The following AACS variants were observed in gnomAD, a reference collection of about 807,000 sequenced individuals.
AACS encodes acetoacetyl-CoA synthetase.
Under a neutral mutation model 83.1 loss-of-function variants are expected in AACS, and 69 were observed. The observed-to-expected ratio is 0.83, with a 90% CI of 0.68 to 1.01. The LOEUF (loss-of-function observed/expected upper bound fraction) is 1.01. Among genes scored for constraint, AACS ranks in the 50% least tolerant of loss-of-function variants. The probability of loss-of-function intolerance (pLI) is 0.00; values close to 1 mark genes in which losing one functional copy is unlikely to be tolerated. For synonymous variants in AACS, 333 were observed against 343.4 expected, an observed-to-expected ratio of 0.97 and a Z score of 0.33; for missense variants, 866 against 882.2, an observed-to-expected ratio of 0.98 and a Z score of 0.23.
At chr12:125,109,267 G>A (rs1956899508) in intron 8 of AACS, among the ~76,000 whole-genome samples, 1 of 152,042 alleles carries the variant, frequency 6.6e-6, no homozygotes, top group Non-Finnish European at 1.5e-5. Context: ...AAGTACCTTG[G>A]ACTACAGGCA....
At chr12:125,074,016 G>A (rs1450641027) in intron 2 of AACS, 37 bp downstream of exon 2, 7 of 1,534,534 alleles carry the variant, frequency 4.6e-6, no homozygotes, top group Non-Finnish European at 6.3e-6. Flanking sequence ...ATCTCTTTTT[G>A]TGGTCGTGCT....
At chr12:125,093,498 G>A (rs1445234229) in intron 5 of AACS, among the ~76,000 whole-genome samples, 1 of 152,262 alleles carries the variant, frequency 6.6e-6, no homozygotes, top group African/African-American at 2.4e-5. Context: ...CAGGAGGGAT[G>A]CATGGCTCTG....
intron 2 of AACS, 31 bp downstream of exon 2, chr12:125,074,010 CTT>C: frequency 6.5e-7 from 1 of 1,550,290 alleles, no homozygotes. Flanking sequence ...GATATCATCT[CTT>C]TTTGTGGTCG....
At chr12:125,135,685 C>G (rs1957391505) in intron 16 of AACS, 1 of 152,304 alleles carries the variant, frequency 6.6e-6, no homozygotes, top group African/African-American at 2.4e-5. Context: ...ATCCCGATGT[C>G]TGATTCCAGC....
intron 5 of AACS, among the ~76,000 whole-genome samples, chr12:125,091,736 G>A (rs907791919): frequency 5.9e-5 from 9 of 152,142 alleles, no homozygotes; most frequent in African/African-American, 1.2e-4. Flanking sequence ...ACTCCTCGCC[G>A]TGTTCATCGA....
At chr12:125,117,144 G>T (rs540322576) in intron 9 of AACS, among the ~76,000 whole-genome samples, 26 of 152,154 alleles carry the variant, frequency 1.7e-4, no homozygotes, top group African/African-American at 5.8e-4. Context: ...AGGCACGGTG[G>T]CTCACGCCTG....
chr12:125,132,160 C>T (rs1375100125), intron 14 of AACS, among the ~76,000 whole-genome samples: 1 of 152,240 alleles, frequency 6.6e-6, no homozygotes, highest in Non-Finnish European at 1.5e-5. Flanking sequence ...GCCATCAGGC[C>T]ACTTCCTCTG....
At chr12:125,072,882 G>C (rs546029803) in intron 1 of AACS, among the ~76,000 whole-genome samples, 1 of 150,584 alleles carries the variant, frequency 6.6e-6, no homozygotes, top group South Asian at 2.1e-4. Context: ...GACTGTTGTG[G>C]AATAAAAGGA....
chr12:125,088,841 G>T (rs542398587), intron 4 of AACS, among the ~76,000 whole-genome samples: 2 of 152,312 alleles, frequency 1.3e-5, no homozygotes, highest in African/African-American at 4.8e-5. Context: ...CCATTTTGTG[G>T]GTCTCAGTTG....
At chr12:125,078,820 C>CAAAAAAAAAAAAAA (rs71092270) in intron 3 of AACS, among the ~76,000 whole-genome samples, 1 of 52,024 alleles carries the variant, frequency 1.9e-5, no homozygotes, top group Non-Finnish European at 3.1e-5. Flanking sequence ...GACTCCGTCT[C>CAAAAAAAAAAAAAA]AAAAAAAAAA....
At chr12:125,073,483 A>G (rs1037830730) in intron 1 of AACS, among the ~76,000 whole-genome samples, 2 of 152,152 alleles carry the variant, frequency 1.3e-5, no homozygotes, top group African/African-American at 4.8e-5. Flanking sequence ...ACATGTGCTC[A>G]TTTAAATCCT....
Position 125,118,897 on chromosome 12 carries a change from G to A in AACS, c.1121+132G>A, listed in dbSNP as rs554211511. 28 of 1,332,476 alleles carry A rather than the reference G, an allele frequency of 2.1e-5. No homozygotes were observed. In the African/African-American group the frequency reaches 3.1e-4, roughly 15 times the overall value. 82.5% of individuals were successfully genotyped at this position (1,332,476 alleles called of 1,614,324 possible). On this transcript the variant is annotated intron_variant, in intron 10 of 17. Transcript: ENST00000316519. The stretch of plus-strand genomic sequence containing the variant: ...TCCAGCATGCTCTGCCTTTGTGGAC[G>A]CCCCCTCTCCAAGAGGAGGGCATGG...
At chr12:125,125,957 AT>A (rs34943168) in intron 12 of AACS, 50,294 of 143,470 alleles carry the variant, frequency 0.35, 8,442 homozygotes, top group East Asian at 0.53. Flanking sequence ...TTCCAAGTGA[AT>A]TTTTTTTTTT....
At position 125,125,142 on chromosome 12, in the gene AACS, C is replaced by A. The variant is rs1957227075; in HGVS notation, c.1309+118C>A. On this transcript the variant is annotated intron_variant, in intron 12 of 17. Transcript: ENST00000316519. ...CACAGTCCGCTGGGCAGCCAATACG[C>A]ACAGTCCCTTCTCATGATCTGAGGC... 38 of 1,445,804 alleles carry A rather than the reference C, an allele frequency of 2.6e-5. 2 individuals carry two copies. The South Asian group carries it at 4.9e-4, about 19-fold the overall frequency. The allele number at this position is 1,445,804 out of a possible 1,614,324, so 89.6% of individuals were successfully genotyped here.
chr12:125,111,715 G>T (rs750824667), intron 8 of AACS, among the ~76,000 whole-genome samples: 2 of 152,170 alleles, frequency 1.3e-5, no homozygotes, highest in Non-Finnish European at 2.9e-5. Flanking sequence ...GTCTGTGAAA[G>T]GTGTCAGAAA....
chr12:125,066,016 T>G (rs1955680263), intron 1 of AACS, among the ~76,000 whole-genome samples: 1 of 152,234 alleles, frequency 6.6e-6, no homozygotes, highest in Non-Finnish European at 1.5e-5. Context: ...CTTGCTAGGC[T>G]TTCCTACCTG....
chr12:125,142,039 A>AT, intron 17 of AACS, 53 bp from the exon 18 acceptor site: 1 of 1,607,830 alleles, frequency 6.2e-7, no homozygotes, highest in Non-Finnish European at 8.5e-7. Flanking sequence ...AGGGCTGCGG[A>AT]TTTTCCCCCC....
rs773034357 is a variant in AACS, at chr12:125,134,090, G to A, written c.1619+18G>A. 10 of 1,611,856 alleles carry A rather than the reference G, an allele frequency of 6.2e-6. No homozygotes were observed. The highest frequency in any genetic ancestry group is 1.6e-4 in the Middle Eastern group (1 of 6,080). ...GGCCGGAGGTAAGGGCTGCAGAGTCGGCTTCTCTTTCCTGGAGCCCCACCT... is the reference window on the plus strand; with the variant it reads ...GGCCGGAGGTAAGGGCTGCAGAGTCAGCTTCTCTTTCCTGGAGCCCCACCT... On this transcript the variant is annotated intron_variant, in intron 15 of 17. Transcript: ENST00000316519.
At chr12:125,099,685 T>TTTTG (rs970497119) in intron 5 of AACS, among the ~76,000 whole-genome samples, 14 of 152,144 alleles carry the variant, frequency 9.2e-5, no homozygotes, top group Admixed American at 6.5e-4. Context: ...AGGTTTCCTT[T>TTTTG]TTTGTTTGTT....
Sources: gnomAD v4.1 joint callset for allele counts (sites outside exome capture counted in the v4.1 genomes callset) on GRCh38, gnomAD v4.1.1 for gene constraint, MANE v1.5 for transcripts, NCBI Gene and HGNC (gene_info 2026-07-23, HGNC 2026-07-21) for gene names.